The following KLHL5 variants were observed in gnomAD, a reference collection of about 807,000 sequenced individuals.
The protein encoded by KLHL5 is kelch-like protein 5.
KLHL5 carries 48 observed loss-of-function variants against 77.7 expected under a neutral mutation model. That is an observed-to-expected ratio of 0.62 (90% confidence interval 0.49 to 0.79). The LOEUF (loss-of-function observed/expected upper bound fraction) is 0.79, where lower values mean the gene tolerates loss of function less well. KLHL5 is among the 30% of genes least tolerant of loss of function. The probability of loss-of-function intolerance (pLI) is 0.00; values close to 1 mark genes in which losing one functional copy is unlikely to be tolerated. For missense variants in KLHL5, 723 were observed against 859.7 expected, an observed-to-expected ratio of 0.84 and a Z score of 1.99; for synonymous variants, 260 against 297.0, an observed-to-expected ratio of 0.88 and a Z score of 1.28.
intron 8 of KLHL5, among the ~76,000 whole-genome samples, chr4:39,111,826 A>G (rs1461767395): frequency 6.6e-6 from 1 of 152,184 alleles, no homozygotes. Flanking sequence ...AGATATGGTC[A>G]TCTTATTATT....
chr4:39,104,923 G>A (rs1721904707), intron 7 of KLHL5, among the ~76,000 whole-genome samples: 1 of 151,570 alleles, frequency 6.6e-6, no homozygotes, highest in Non-Finnish European at 1.5e-5. Flanking sequence ...GTGCCACCAC[G>A]CCCAGCTAAT....
chr4:39,082,619 G>T (rs556005355), intron 4 of KLHL5, among the ~76,000 whole-genome samples: 1 of 152,300 alleles, frequency 6.6e-6, no homozygotes, highest in East Asian at 1.9e-4. Context: ...CATGTAGAAT[G>T]ATGTTTTTAT....
At chr4:39,092,780 A>ATCAT (rs1720706621) in intron 5 of KLHL5, among the ~76,000 whole-genome samples, 1 of 152,172 alleles carries the variant, frequency 6.6e-6, no homozygotes, top group Non-Finnish European at 1.5e-5. Flanking sequence ...TATCATCAAC[A>ATCAT]TCATTAGTCA....
intron 1 of KLHL5, among the ~76,000 whole-genome samples, chr4:39,069,535 C>CATATATATATAT (rs60163692): frequency 6.5e-4 from 88 of 136,344 alleles, no homozygotes; most frequent in African/African-American, 2.2e-3. Context: ...ACTTTTTTAC[C>CATATATATATAT]ATATATATAT....
At chr4:39,080,920 T>C (rs1719555057) in intron 2 of KLHL5, among the ~76,000 whole-genome samples, 183 bp from the exon 3 acceptor site, 1 of 152,150 alleles carries the variant, frequency 6.6e-6, no homozygotes, top group Admixed American at 6.6e-5. Context: ...CAGCAGAAAA[T>C]TTGGTAATGG....
chr4:39,093,505 A>G (rs1400903381), intron 5 of KLHL5: 1 of 449,656 alleles, frequency 2.2e-6, no homozygotes, highest in African/African-American at 2.0e-5. Flanking sequence ...ATATGCCCCA[A>G]TAAAATTGTA....
At chr4:39,057,981 A>G (rs930100875), upstream of KLHL5, among the ~76,000 whole-genome samples, 2 of 152,218 alleles carry the variant, frequency 1.3e-5, no homozygotes, top group Non-Finnish European at 2.9e-5. Context: ...CTATTGTAAT[A>G]CTGAATAGTG....
chr4:39,135,071 A>G, the KLHL5 span, among the ~76,000 whole-genome samples: 1 of 152,230 alleles, frequency 6.6e-6, no homozygotes, highest in Non-Finnish European at 1.5e-5. Flanking sequence ...ATCATGTCCC[A>G]TAACAGAGGA....
rs1365928093 is a variant in KLHL5 at position 39,123,995 on chromosome 4, G to T, written c.*2929G>T. On this transcript the variant is annotated 3_prime_UTR_variant, in exon 11 of 11. Transcript: ENST00000504108. ...TTTTAAAAATTCAGCAATGTTGCAG[G>T]TTGCAAGATCAACACACAAAAGTCT... Among the ~76,000 whole-genome samples the T allele has an allele frequency of 6.6e-6, 1 of 151,976 alleles. No homozygotes were observed. The highest frequency in any genetic ancestry group is 2.4e-5 in the African/African-American group (1 of 41,378).
At chr4:39,046,315 A>T (rs1202153061) in intron 1 of KLHL5, among the ~76,000 whole-genome samples, 2 of 152,210 alleles carry the variant, frequency 1.3e-5, no homozygotes, top group Non-Finnish European at 2.9e-5. Context: ...GAGGTAGAGC[A>T]GGAAAAGAAG....
intron 6 of KLHL5, among the ~76,000 whole-genome samples, chr4:39,101,866 A>C (rs1334100390): frequency 7.4e-6 from 1 of 135,812 alleles, no homozygotes; most frequent in Non-Finnish European, 1.5e-5. Flanking sequence ...AAAAATATAT[A>C]TATATATATA....
the KLHL5 span, among the ~76,000 whole-genome samples, chr4:39,136,655 G>C: frequency 6.6e-6 from 1 of 152,200 alleles, no homozygotes; most frequent in Admixed American, 6.5e-5. Flanking sequence ...CGTCCACACA[G>C]CACGGCAGCC....
intron 10 of KLHL5, chr4:39,115,941 T>A (rs1346852013): frequency 2.0e-6 from 2 of 988,522 alleles, no homozygotes; most frequent in Non-Finnish European, 2.4e-6. Flanking sequence ...TGTGCTTGTG[T>A]CACCCAGTTC....
rs140053546 is a variant in KLHL5 at position 39,062,620 on chromosome 4, C to T, written c.-33C>T. ...AAATCTGTGTGCAGTGCTTTTTGCCCGTTGCCTAGACGATCACTTGGTTTC... is the reference window on the plus strand; with the variant it reads ...AAATCTGTGTGCAGTGCTTTTTGCCTGTTGCCTAGACGATCACTTGGTTTC... On this transcript the variant is annotated 5_prime_UTR_variant, in exon 1 of 11. Transcript: ENST00000504108. 7.4e-6 allele frequency: 12 copies of T among 1,613,998 alleles called. No homozygotes were observed. Among genetic ancestry groups the T allele is most frequent in the South Asian group, 1.1e-5 (1 of 91,074 alleles).
At chr4:39,050,594 T>C (rs917525696) in intron 1 of KLHL5, among the ~76,000 whole-genome samples, 7 of 152,234 alleles carry the variant, frequency 4.6e-5, no homozygotes, top group Admixed American at 3.9e-4. Flanking sequence ...GCTTTAACAA[T>C]TTCAGACAAT....
At position 39,125,590 on chromosome 4, in the gene KLHL5, A is replaced by T. The variant is rs1723493008; in HGVS notation, c.*4524A>T. Among the ~76,000 whole-genome samples the T allele has an allele frequency of 6.6e-6, 1 of 152,246 alleles. No individual in the cohort carries two copies. Among genetic ancestry groups the T allele is most frequent in the South Asian group, 2.1e-4 (1 of 4,834 alleles). ...GCATTTTTGCCAAGTGAAAGAAGGC[A>T]GACACAAAAGGCAACGTATTGCATG... On this transcript the variant is annotated 3_prime_UTR_variant, in exon 11 of 11. Coordinates refer to ENST00000504108, the MANE Select transcript of KLHL5 (RefSeq NM_015990.5).
At chr4:39,135,829 G>C in the KLHL5 span, among the ~76,000 whole-genome samples, 4 of 152,054 alleles carry the variant, frequency 2.6e-5, no homozygotes, top group Admixed American at 2.6e-4. Flanking sequence ...ACTTGAACCT[G>C]GGGGGCAGAG....
In KLHL5 at chr4:39,122,729, C is replaced by T. The variant is rs913222512; in HGVS notation, c.*1663C>T. Among the ~76,000 whole-genome samples the T allele has an allele frequency of 1.3e-5, 2 of 151,984 alleles. No individual in the cohort carries two copies. The highest frequency in any genetic ancestry group is 2.9e-5 in the Non-Finnish European group (2 of 68,004). On this transcript the variant is annotated 3_prime_UTR_variant, in exon 11 of 11. Transcript: ENST00000504108. ...TCGGGAGGCTGAGGCGGGAGAATGG[C>T]GTGAACCCAGGAGGAGGAGCTTGCA... is the stretch of plus-strand genomic sequence containing the variant.
chr4:39,049,160 A>G (rs1478730463), intron 1 of KLHL5, among the ~76,000 whole-genome samples: 3 of 152,214 alleles, frequency 2.0e-5, no homozygotes, highest in Non-Finnish European at 2.9e-5. Context: ...ATCTAAATAA[A>G]TCAAAAGCCA....
Sources: allele counts gnomAD v4.1 joint callset (sites outside exome capture counted in the v4.1 genomes callset), GRCh38; gene constraint gnomAD v4.1.1; transcripts MANE v1.5; gene names NCBI Gene and HGNC (gene_info 2026-07-23, HGNC 2026-07-21).